CRTAP: variants seen among roughly 807,000 people sequenced by gnomAD.
CRTAP encodes the protein cartilage associated protein.
CRTAP carries 33 observed loss-of-function variants against 42.7 expected under a neutral mutation model. The observed-to-expected ratio is 0.77, with a 90% confidence interval of 0.59 to 1.03. The LOEUF is 1.03. Among genes scored for constraint, CRTAP ranks in the 50% least tolerant of loss-of-function variants. The pLI, the probability that CRTAP is intolerant of heterozygous loss-of-function variation, is 0.00. For synonymous variants in CRTAP, 243 were observed against 217.7 expected (o/e 1.12, Z -1.02); for missense variants, 613 against 533.9 (o/e 1.15, Z -1.46).
chr3:33,147,332 GAATC>G lies in CRTAP; in HGVS notation c.*4887_*4890del, dbSNP rs1389434116. 6.5e-6 allele frequency: 1 copy of G among 152,730 alleles called. No individual in the cohort carries two copies. The highest frequency in any genetic ancestry group is 1.5e-5 in the Non-Finnish European group (1 of 68,096). The allele number at this position is 152,730 out of a possible 1,614,324, so 9.5% of individuals were successfully genotyped here. A position where few individuals can be genotyped will look rare whatever the true frequency, so the allele number is the denominator to read the frequency against. On this transcript the variant is annotated 3_prime_UTR_variant, in exon 7 of 7. Coordinates refer to ENST00000320954, the MANE Select transcript of CRTAP (RefSeq NM_006371.5). ...TGACCCACTGCTACCCCAGAAATAA[GAATC>G]AAGAGCAGCTATTGTTATCCTTAGA...
In CRTAP at chr3:33,114,085, CG is replaced by C; in HGVS notation, c.12del (p.Arg5AlafsTer8). 1 of 1,460,568 alleles carries C rather than the reference CG, an allele frequency of 6.8e-7. No homozygotes were observed. The highest frequency in any genetic ancestry group is 9.0e-7 in the Non-Finnish European group (1 of 1,113,306). The allele number at this position is 1,460,568 out of a possible 1,614,324, so 90.5% of individuals were successfully genotyped here. ME[P>X]GRRGAAALLA... ...TTCCTTTCGCCGGGCGCGATGGAGC[CG>C]GGGCGCCGGGGGGCCGCGGCGCTGC... On this transcript the variant is annotated frameshift_variant, in exon 1 of 7. Coordinates refer to ENST00000320954, the MANE Select transcript of CRTAP (RefSeq NM_006371.5). LOFTEE classifies it high-confidence loss of function.
In CRTAP at chr3:33,120,479, AC is replaced by A; in HGVS notation, c.609del (p.Lys204SerfsTer60). ...GAEDYIKDLE[T>X]KSYESLFIRA... ...CGAGGACTACATTAAAGACCTGGAA[AC>A]CAAGTCATATGAAGTATGTTTGGAT... On this transcript the variant is annotated frameshift_variant, in exon 2 of 7. Transcript: ENST00000320954. LOFTEE classifies it high-confidence loss of function. The A allele has an allele frequency of 6.2e-7, 1 of 1,610,800 alleles. No individual in the cohort carries two copies.
chr3:33,129,510 A>G (rs2030173567), intron 3 of CRTAP, among the ~76,000 whole-genome samples: 1 of 148,060 alleles, frequency 6.8e-6, no homozygotes, highest in African/African-American at 2.5e-5. Context: ...AGCTCCTTGT[A>G]GGTGTTGAAA....
intron 2 of CRTAP, among the ~76,000 whole-genome samples, chr3:33,122,024 T>C (rs1158881268): frequency 6.6e-6 from 1 of 152,186 alleles, no homozygotes; most frequent in Non-Finnish European, 1.5e-5. Context: ...ACTTCCTGCC[T>C]TTCCAAAAGT....
At chr3:33,134,314 C>T (rs745913878) in intron 6 of CRTAP, 49 bp downstream of exon 6, 7 of 1,195,848 alleles carry the variant, frequency 5.9e-6, no homozygotes, top group East Asian at 2.3e-5. Flanking sequence ...GAAAATATTA[C>T]TCACATCTTT....
In CRTAP at chr3:33,129,676, C is replaced by T. The variant is rs113420335; in HGVS notation, c.794-263C>T. On this transcript the variant is annotated intron_variant, in intron 3 of 6. Transcript: ENST00000320954. ...CCTCAGCCTCCTGAGTAGCTGGGAC[C>T]ACAGGCGCCCACCACGACGCCCAGC... Among the ~76,000 whole-genome samples, 48 of 151,126 alleles carry T rather than the reference C, an allele frequency of 3.2e-4. No homozygotes were observed. In the East Asian group the frequency reaches 6.5e-3, roughly 20 times the overall value.
chr3:33,114,137 G>A lies in CRTAP; in HGVS notation c.60G>A (p.Ala20=), dbSNP rs1393255225. 5 of 1,569,986 alleles carry A rather than the reference G, an allele frequency of 3.2e-6. No individual in the cohort carries two copies. Among genetic ancestry groups the A allele is most frequent in the Non-Finnish European group, 3.4e-6 (4 of 1,167,956 alleles). ...ALLALLCVAC[A]LRAGRAQYER... ...TAGCGCTGCTGTGCGTGGCCTGCGC[G>A]CTGCGCGCCGGGCGCGCCCAATACG... is the stretch of plus-strand genomic sequence containing the variant. Residue 20 remains alanine, a synonymous_variant, in exon 1 of 7, where the codon GCG becomes GCA. Coordinates refer to ENST00000320954, the MANE Select transcript of CRTAP (RefSeq NM_006371.5).
At chr3:33,139,562 C>T (rs935728027) in intron 6 of CRTAP, among the ~76,000 whole-genome samples, 1 of 151,638 alleles carries the variant, frequency 6.6e-6, no homozygotes, top group East Asian at 1.9e-4. Flanking sequence ...CTGCAACCTC[C>T]GCCTCCCAGG....
chr3:33,114,611 GC>G (rs1701323026), intron 1 of CRTAP, 63 bp downstream of exon 1: 2 of 1,482,034 alleles, frequency 1.3e-6, no homozygotes, highest in Non-Finnish European at 1.8e-6. Flanking sequence ...CCAGGCCCTA[GC>G]CCCGCCCCTG....
chr3:33,131,528 A>G (rs781102642), intron 4 of CRTAP, among the ~76,000 whole-genome samples: 1 of 152,112 alleles, frequency 6.6e-6, no homozygotes, highest in Non-Finnish European at 1.5e-5. Context: ...CCTGCATATC[A>G]GAAACTGGCA....
intron 4 of CRTAP, among the ~76,000 whole-genome samples, chr3:33,132,182 A>G (rs970251110): frequency 3.9e-5 from 6 of 152,076 alleles, no homozygotes; most frequent in African/African-American, 1.4e-4. Flanking sequence ...GGATCCAGAC[A>G]CTCTAGGACC....
At chr3:33,125,194 A>T (rs2030023060) in intron 3 of CRTAP, among the ~76,000 whole-genome samples, 1 of 152,212 alleles carries the variant, frequency 6.6e-6, no homozygotes, top group Non-Finnish European at 1.5e-5. Context: ...GCTCTTTCCC[A>T]AAGTGGTTTG....
At position 33,137,286 on chromosome 3, in the gene CRTAP, C is replaced by T. The variant is rs947468205; in HGVS notation, c.1152+3021C>T. ...ATCCTAGTAGCTGGGATTACAGGCGCGCACCACCACACCCAGCTAATTTTT... is the reference window on the plus strand; with the variant it reads ...ATCCTAGTAGCTGGGATTACAGGCGTGCACCACCACACCCAGCTAATTTTT... On this transcript the variant is annotated intron_variant, in intron 6 of 6. Coordinates refer to ENST00000320954, the MANE Select transcript of CRTAP (RefSeq NM_006371.5). Among the ~76,000 whole-genome samples, 16 of 152,032 alleles carry T rather than the reference C, an allele frequency of 1.1e-4. 1 individual carries two copies. The highest frequency in any genetic ancestry group is 9.2e-4 in the Admixed American group (14 of 15,254).
At chr3:33,132,520 T>C in intron 4 of CRTAP, 35 bp from the exon 5 acceptor site, 6 of 1,613,240 alleles carry the variant, frequency 3.7e-6, no homozygotes, top group Non-Finnish European at 5.1e-6. Context: ...TGTGGTTTGC[T>C]GATTTCTTCA....
chr3:33,141,821 C>A (rs1440358604), intron 6 of CRTAP, among the ~76,000 whole-genome samples: 2 of 152,294 alleles, frequency 1.3e-5, no homozygotes, highest in East Asian at 3.9e-4. Flanking sequence ...GCTCCTGGTA[C>A]CGACACTGGG....
rs991161348 is a variant in CRTAP, at chr3:33,147,351, T to C, written c.*4903T>C. ...AAATAAGAATCAAGAGCAGCTATTG[T>C]TATCCTTAGAGTGTTTTCCGTCTAG... On this transcript the variant is annotated 3_prime_UTR_variant, in exon 7 of 7. Coordinates refer to ENST00000320954, the MANE Select transcript of CRTAP (RefSeq NM_006371.5). 5 of 152,712 alleles carry C rather than the reference T, an allele frequency of 3.3e-5. No individual in the cohort carries two copies. The highest frequency in any genetic ancestry group is 7.3e-5 in the Non-Finnish European group (5 of 68,080). 9.5% of individuals were successfully genotyped at this position (152,712 alleles called of 1,614,324 possible).
intron 1 of CRTAP, 128 bp from the exon 2 acceptor site, chr3:33,120,216 T>C: frequency 1.2e-6 from 1 of 861,096 alleles, no homozygotes; most frequent in Non-Finnish European, 2.0e-6. Context: ...GCCCTGGAAG[T>C]CATGGAACCT....
At position 33,130,062 on chromosome 3, in the gene CRTAP, A is replaced by G. The variant is rs765327654; in HGVS notation, c.917A>G (p.Tyr306Cys). 4 of 1,613,498 alleles carry G rather than the reference A, an allele frequency of 2.5e-6. No individual in the cohort carries two copies. The highest frequency in any genetic ancestry group is 4.5e-5 in the East Asian group (2 of 44,870). The change falls in exon 4 of 7, where the codon TAT becomes TGT. Residue 306 changes from tyrosine to cysteine, a missense_variant. By Grantham distance (194) the Tyr-to-Cys change is radical. Transcript: ENST00000320954. ...TATCATTACTTGCAGTTTGCCTATT[A>G]TAAGTGTAAGTAATCTTCTGTGACA... The part of the protein sequence containing the change: ...TMYHYLQFAY[Y>C]KLNDLKNAAP...
At chr3:33,131,449 T>G (rs1160871848) in intron 4 of CRTAP, among the ~76,000 whole-genome samples, 1 of 152,212 alleles carries the variant, frequency 6.6e-6, no homozygotes, top group African/African-American at 2.4e-5. Flanking sequence ...AATTTAGAAG[T>G]GTTCTGGATG....
Sources: gnomAD v4.1 joint callset for allele counts (sites outside exome capture counted in the v4.1 genomes callset) on GRCh38, gnomAD v4.1.1 for gene constraint, MANE v1.5 for transcripts, NCBI Gene and HGNC (gene_info 2026-07-23, HGNC 2026-07-21) for gene names.